Variants in DYNC1H1 observed in about 807,000 individuals in gnomAD.
DYNC1H1 encodes cytoplasmic dynein 1 heavy chain 1.
Under a neutral mutation model 527.1 loss-of-function variants are expected in DYNC1H1, and 51 were observed. That is an observed-to-expected ratio of 0.10 (90% confidence interval 0.08 to 0.12). The LOEUF (loss-of-function observed/expected upper bound fraction) is 0.12. Ranked by LOEUF, DYNC1H1 falls within the 10% of genes least tolerant of loss-of-function variation. The pLI is 1.00. For synonymous variants in DYNC1H1, 2,189 were observed against 2,278.8 expected, an observed-to-expected ratio of 0.96 and a Z score of 1.12; for missense variants, 2,771 against 5,971.8, an observed-to-expected ratio of 0.46 and a Z score of 17.66.
intron 5 of DYNC1H1, among the ~76,000 whole-genome samples, chr14:101,982,605 A>G (rs1026872483): frequency 6.6e-6 from 1 of 152,050 alleles, no homozygotes; most frequent in African/African-American, 2.4e-5. Flanking sequence ...AAAATAAAAT[A>G]ATAGAAATAA....
rs931429541 is a variant in DYNC1H1 at position 102,020,683 on chromosome 14, C to T, written c.8507+627C>T. 3.3e-5 allele frequency among the ~76,000 whole-genome samples: 5 copies of T among 152,186 alleles called. No homozygotes were observed. Among genetic ancestry groups the T allele is most frequent in the African/African-American group, 7.2e-5 (3 of 41,456 alleles). On this transcript the variant is annotated intron_variant, in intron 42 of 77. Transcript: ENST00000360184. The surrounding 1 kb of genome is among the most constrained non-coding windows in gnomAD (Gnocchi z 4.3). Reference sequence around the variant, plus strand: ...AATACTTAAGGGAAAAAATTGCTAACGGATGACTGATCGGCATCAACTGTG... The same window carrying T: ...AATACTTAAGGGAAAAAATTGCTAATGGATGACTGATCGGCATCAACTGTG...
chr14:101,975,576 GA>G, intron 1 of DYNC1H1, 135 bp from the exon 2 acceptor site: 3 of 799,350 alleles, frequency 3.8e-6, no homozygotes, highest in Non-Finnish European at 6.2e-6. Flanking sequence ...GATAGGAAGG[GA>G]AAAATAGTGC....
chr14:101,977,586 T>G (rs1375992696), intron 2 of DYNC1H1, among the ~76,000 whole-genome samples: 1 of 152,202 alleles, frequency 6.6e-6, no homozygotes, highest in Admixed American at 6.5e-5. Flanking sequence ...ATGTTGAAAT[T>G]GTCTCAATGA....
At position 102,000,110 on chromosome 14, in the gene DYNC1H1, C is replaced by T. The variant is rs1244347213; in HGVS notation, c.3926C>T (p.Thr1309Ile). 5 of 1,614,230 alleles carry T rather than the reference C, an allele frequency of 3.1e-6. No homozygotes were observed. Among genetic ancestry groups the T allele is most frequent in the Non-Finnish European group, 4.2e-6 (5 of 1,180,048 alleles). ...KAKEALELTD[T>I]GLLSGSEERV... The stretch of plus-strand genomic sequence containing the variant: ...AAGGAGGCGCTGGAATTGACAGATA[C>T]TGGGCTTCTCAGTGGCAGTGAAGAG... Residue 1309 changes from threonine to isoleucine, a missense_variant, in exon 17 of 78, where the codon ACT (threonine) becomes ATT (isoleucine). Transcript: ENST00000360184.
rs1444407629 is a variant in DYNC1H1 at position 102,007,124 on chromosome 14, G to C, written c.5817+16G>C. The C allele has an allele frequency of 6.2e-7, 1 of 1,612,304 alleles. No homozygotes were observed. Among genetic ancestry groups the C allele is most frequent in the East Asian group, 2.2e-5 (1 of 44,864 alleles). ...TGATTTCCAGGTGAGACACTTTATG[G>C]GATCCACCTAAAATGTAATGCCCTG... On this transcript the variant is annotated intron_variant, in intron 28 of 77. Coordinates refer to ENST00000360184, the MANE Select transcript of DYNC1H1 (RefSeq NM_001376.5).
chr14:102,031,429 T>A (rs2152590869), intron 51 of DYNC1H1, among the ~76,000 whole-genome samples: 1 of 152,128 alleles, frequency 6.6e-6, no homozygotes, highest in African/African-American at 2.4e-5. Flanking sequence ...GAGTCAGGGT[T>A]TTGCCATATT....
At chr14:102,030,059 T>C (rs80027535) in intron 50 of DYNC1H1, 103 bp from the exon 51 acceptor site, 3 of 383,024 alleles carry the variant, frequency 7.8e-6, no homozygotes, top group Non-Finnish European at 1.0e-5. Context: ...GGAGAGAGAG[T>C]GTGTGTGTGT....
Position 102,037,997 on chromosome 14 carries a change from T to G in DYNC1H1, c.10909-463T>G. ...GAGCACTTCCCATGGCTAGTGTGAC[T>G]AGGAACTGAGTTTTAATTTTTTATT... On this transcript the variant is annotated intron_variant, in intron 57 of 77. Coordinates refer to ENST00000360184, the MANE Select transcript of DYNC1H1 (RefSeq NM_001376.5). 2 of 310,458 alleles carry G rather than the reference T, an allele frequency of 6.4e-6. 1 individual carries two copies. Among genetic ancestry groups the G allele is most frequent in the Non-Finnish European group, 1.2e-5 (2 of 160,416 alleles). The allele number at this position is 310,458 out of a possible 1,614,324, so 19.2% of individuals were successfully genotyped here. A position where few individuals can be genotyped will look rare whatever the true frequency, so the allele number is the denominator to read the frequency against.
In DYNC1H1 at chr14:102,001,303, T is replaced by C. The variant is rs1397037518; in HGVS notation, c.4344T>C (p.Asp1448=). 6.2e-7 allele frequency: 1 copy of C among 1,614,064 alleles called. No individual in the cohort carries two copies. The highest frequency in any genetic ancestry group is 8.5e-7 in the Non-Finnish European group (1 of 1,180,048). ...DLQKNEAIVK[D]VLLVAQGEMA... ...AGAAAAATGAAGCGATTGTCAAGGA[T>C]GTACTGCTTGTGGCACAAGGGGAGA... The change falls in exon 20 of 78, where the codon GAT becomes GAC. Residue 1448 remains aspartate, a synonymous_variant. Coordinates refer to ENST00000360184, the MANE Select transcript of DYNC1H1 (RefSeq NM_001376.5). The surrounding 1 kb of genome is among the most constrained non-coding windows in gnomAD (Gnocchi z 5.0).
intron 44 of DYNC1H1, 93 bp downstream of exon 44, chr14:102,026,800 A>G: frequency 6.5e-7 from 1 of 1,536,752 alleles, no homozygotes; most frequent in South Asian, 1.2e-5. Context: ...ATGCTGTCCT[A>G]CCACCTCCAC....
chr14:102,005,761 A>C lies in DYNC1H1; in HGVS notation c.5434-127A>C. 1.7e-6 allele frequency: 2 copies of C among 1,203,806 alleles called. No homozygotes were observed. The highest frequency in any genetic ancestry group is 3.7e-5 in the Admixed American group (2 of 54,794). 74.6% of individuals were successfully genotyped at this position (1,203,806 alleles called of 1,614,324 possible). ...CTCTGAAAGTGAATTTGCCTTTTGG[A>C]ACATTTACTGAAAGCCATTGTAACT... On this transcript the variant is annotated intron_variant, in intron 26 of 77. Transcript: ENST00000360184. This position sits in a 1 kb window ranked among gnomAD's most constrained non-coding sequence, Gnocchi z 4.0.
At position 101,985,396 on chromosome 14, in the gene DYNC1H1, C is replaced by T. The variant is rs1394023916; in HGVS notation, c.1462-291C>T. ...CTGGAGTGCAGTGGCGTGATCTTGG[C>T]TCACTGCAACCTCTGCCTCCCGGGT... On this transcript the variant is annotated intron_variant, in intron 7 of 77. Coordinates refer to ENST00000360184, the MANE Select transcript of DYNC1H1 (RefSeq NM_001376.5). The surrounding 1 kb of genome is among the most constrained non-coding windows in gnomAD (Gnocchi z 5.9). Among the ~76,000 whole-genome samples, 2 of 152,026 alleles carry T rather than the reference C, an allele frequency of 1.3e-5. No individual in the cohort carries two copies. The highest frequency in any genetic ancestry group is 4.8e-5 in the African/African-American group (2 of 41,380).
At position 102,041,776 on chromosome 14, in the gene DYNC1H1, G is replaced by A; in HGVS notation, c.12102+42G>A. ...GCCCGGGCTTCCCACGAGACTCCAT[G>A]CCCACCTCCCCAGCCACAGGTGGCA... On this transcript the variant is annotated intron_variant, in intron 65 of 77. Coordinates refer to ENST00000360184, the MANE Select transcript of DYNC1H1 (RefSeq NM_001376.5). This position sits in a 1 kb window ranked among gnomAD's most constrained non-coding sequence, Gnocchi z 4.5. 3 of 1,612,794 alleles carry A rather than the reference G, an allele frequency of 1.9e-6. No homozygotes were observed. Among genetic ancestry groups the A allele is most frequent in the Non-Finnish European group, 2.5e-6 (3 of 1,179,940 alleles).
At position 102,030,302 on chromosome 14, in the gene DYNC1H1, G is replaced by A. The variant is rs1232207527; in HGVS notation, c.9883+20G>A. On this transcript the variant is annotated intron_variant, in intron 51 of 77. Transcript: ENST00000360184. ...AGAATGGTATGTAAAGACTGTCAGA[G>A]CTTTGATGTCTAGGAAGGGTGGTCT... The A allele has an allele frequency of 3.1e-6, 5 of 1,613,968 alleles. No individual in the cohort carries two copies. The African/African-American group carries it at 4.0e-5, about 13-fold the overall frequency.
rs1312983598 is a variant in DYNC1H1 at position 102,018,281 on chromosome 14, G to A, written c.8178-170G>A. Among the ~76,000 whole-genome samples the A allele has an allele frequency of 1.3e-5, 2 of 152,176 alleles. No homozygotes were observed. Among genetic ancestry groups the A allele is most frequent in the Non-Finnish European group, 2.9e-5 (2 of 68,038 alleles). On this transcript the variant is annotated intron_variant, in intron 40 of 77. Transcript: ENST00000360184. This position sits in a 1 kb window ranked among gnomAD's most constrained non-coding sequence, Gnocchi z 5.2. ...TCGACTGTTGTGTGTCAGACCCCAA[G>A]CCTGAGCAGCGTGTGTGTGATCTCA...
intron 51 of DYNC1H1, among the ~76,000 whole-genome samples, chr14:102,030,878 TCATTTGAGGCAGGAGGAC>T (rs1303754912): frequency 6.6e-6 from 1 of 152,130 alleles, no homozygotes; most frequent in African/African-American, 2.4e-5. Context: ...GGCAGGAGGA[TCATTTGAGGCAGGAGGAC>T]CATTTGAACT....
At position 102,040,511 on chromosome 14, in the gene DYNC1H1, G is replaced by A. The variant is rs145345918; in HGVS notation, c.11866-87G>A. Reference sequence around the variant, plus strand: ...ATAAAACCCAGAATGTTGTGTCTGCGCTCTCGCGTCAGACTCTCGCTCAGT... The same window carrying A: ...ATAAAACCCAGAATGTTGTGTCTGCACTCTCGCGTCAGACTCTCGCTCAGT... On this transcript the variant is annotated intron_variant, in intron 63 of 77. Transcript: ENST00000360184. 98 of 1,609,446 alleles carry A rather than the reference G, an allele frequency of 6.1e-5. 1 individual carries two copies. In the South Asian group the frequency reaches 8.7e-4, roughly 14 times the overall value.
At chr14:102,019,765 C>A in intron 41 of DYNC1H1, 128 bp from the exon 42 acceptor site, 1 of 1,222,680 alleles carries the variant, frequency 8.2e-7, no homozygotes, top group Non-Finnish European at 1.2e-6. Context: ...CCATGTCCAG[C>A]TATCTTCTTA....
intron 11 of DYNC1H1, 48 bp downstream of exon 11, chr14:101,991,721 T>C (rs767524517): frequency 6.8e-6 from 11 of 1,612,028 alleles, no homozygotes; most frequent in Non-Finnish European, 6.8e-6. Flanking sequence ...AGGACTCTCA[T>C]GGGCTCTGTG....
Sources: allele counts gnomAD v4.1 joint callset (sites outside exome capture counted in the v4.1 genomes callset), GRCh38; gene constraint gnomAD v4.1.1; non-coding constraint Gnocchi (gnomAD v3.1); transcripts MANE v1.5; gene names NCBI Gene and HGNC (gene_info 2026-07-23, HGNC 2026-07-21).